The following CD22 variants were observed in gnomAD, a reference collection of about 807,000 sequenced individuals.
CD22 encodes B-cell receptor CD22.
A neutral mutation model predicts 94.7 loss-of-function variants in CD22; 51 were observed. That is an observed-to-expected ratio of 0.54 (90% CI 0.43 to 0.68). The LOEUF is 0.68. Among genes scored for constraint, CD22 ranks in the 30% least tolerant of loss-of-function variants. The pLI, the probability that CD22 is intolerant of heterozygous loss-of-function variation, is 0.00. For missense variants in CD22, 931 were observed against 1,060.4 expected (o/e 0.88, Z 1.69); for synonymous variants, 424 against 422.5 (o/e 1.00, Z -0.04).
At chr19:35,331,927 G>A (rs957123521) in intron 1 of CD22, 92 bp from the exon 2 acceptor site, 6 of 1,599,978 alleles carry the variant, frequency 3.8e-6, no homozygotes, top group Non-Finnish European at 4.3e-6. Context: ...CCGGATCCAG[G>A]GGAAGGGTCG....
chr19:35,342,617 G>A (rs1035648944), intron 9 of CD22, among the ~76,000 whole-genome samples: 17 of 151,952 alleles, frequency 1.1e-4, no homozygotes, highest in African/African-American at 3.4e-4. Context: ...TGTGCTGGAG[G>A]AGTCGTCTTG....
chr19:35,330,699 A>T (rs1475646173), intron 1 of CD22: 1 of 152,178 alleles, frequency 6.6e-6, no homozygotes, highest in Non-Finnish European at 1.5e-5. Context: ...GAGACCGGAG[A>T]CACACTCTGC....
Position 35,338,171 on chromosome 19 carries a change from C to A in CD22, c.989C>A (p.Ala330Asp). Residue 330 changes from alanine (A) to aspartate (D), a missense_variant, in exon 6 of 14, where the codon GCC becomes GAC. Ala to Asp is a moderately radical substitution (Grantham distance 126, BLOSUM62 -2). Coordinates refer to ENST00000085219, the MANE Select transcript of CD22 (RefSeq NM_001771.4). ...SEEVFLQVQY[A>D]PEPSTVQILH... ...TCGCCTCTGCCCCCTCTTCCAGATG[C>A]CCCGGAACCTTCCACGGTTCAGATC... is the stretch of plus-strand genomic sequence containing the variant. 1.2e-6 allele frequency: 2 copies of A among 1,609,180 alleles called. No individual in the cohort carries two copies. Among genetic ancestry groups the A allele is most frequent in the Admixed American group, 1.7e-5 (1 of 59,854 alleles).
In CD22 at chr19:35,337,831, C is replaced by T. The variant is rs146504496; in HGVS notation, c.795C>T (p.Cys265=). Residue 265 remains cysteine, a synonymous_variant, in exon 5 of 14, where the codon TGC becomes TGT. Transcript: ENST00000085219. The surrounding 1 kb of genome is among the most constrained non-coding windows in gnomAD (Gnocchi z 4.4). ...AGGGGGACTCTGTGACCATGACCTGCGAGGTCAGCAGCAGCAACCCGGAGT... is the reference window on the plus strand; with the variant it reads ...AGGGGGACTCTGTGACCATGACCTGTGAGGTCAGCAGCAGCAACCCGGAGT... The part of the protein sequence containing the change: ...VREGDSVTMT[C]EVSSSNPEYT... 16,281 of 1,613,746 alleles carry T rather than the reference C, an allele frequency of 0.01. 100 individuals carry two copies. The highest frequency in any genetic ancestry group is 0.012 in the Non-Finnish European group (13,860 of 1,179,752).
In CD22 at chr19:35,338,500, G is replaced by T. The variant is rs1467497692; in HGVS notation, c.1249+69G>T. Reference sequence around the variant, plus strand: ...CACAGGGAACGGGGAAGGCAGATGGGGTGCAGGGCATTCCGGGGTCCTGGA... The same window carrying T: ...CACAGGGAACGGGGAAGGCAGATGGTGTGCAGGGCATTCCGGGGTCCTGGA... On this transcript the variant is annotated intron_variant, in intron 6 of 13. Coordinates refer to ENST00000085219, the MANE Select transcript of CD22 (RefSeq NM_001771.4). 8 of 1,510,260 alleles carry T rather than the reference G, an allele frequency of 5.3e-6. No homozygotes were observed. The East Asian group carries it at 6.8e-5, about 13-fold the overall frequency. The allele number at this position is 1,510,260 out of a possible 1,614,324, so 93.6% of individuals were successfully genotyped here. A position where few individuals can be genotyped will look rare whatever the true frequency, so the allele number is the denominator to read the frequency against.
Position 35,332,837 on chromosome 19 carries a change from G to A in CD22, c.325G>A (p.Val109Met). 1.2e-6 allele frequency: 2 copies of A among 1,614,192 alleles called. No individual in the cohort carries two copies. The highest frequency in any genetic ancestry group is 1.7e-6 in the Non-Finnish European group (2 of 1,180,018). ...GAACTGCACACTGAGTATCCACCCG[G>A]TGCACCTCAATGACAGTGGTCAGCT... is the stretch of plus-strand genomic sequence containing the variant. Reference protein sequence around the residue: ...NKNCTLSIHPVHLNDSGQLGL... With the variant: ...NKNCTLSIHPMHLNDSGQLGL... The change falls in exon 3 of 14, where the codon GTG becomes ATG. Residue 109 changes from valine to methionine, a missense_variant. Coordinates refer to ENST00000085219, the MANE Select transcript of CD22 (RefSeq NM_001771.4).
Position 35,332,802 on chromosome 19 carries a change from A to G in CD22, c.290A>G (p.Asp97Gly). The change falls in exon 3 of 14, where the codon GAC (aspartate) becomes GGC (glycine). Residue 97 changes from aspartate to glycine, a missense_variant. Transcript: ENST00000085219. ...SEQKRVQFLG[D>G]KNKNCTLSIH... Reference sequence around the variant, plus strand: ...CAGAAAAGGGTGCAATTCCTGGGAGACAAGAATAAGAACTGCACACTGAGT... The same window carrying G: ...CAGAAAAGGGTGCAATTCCTGGGAGGCAAGAATAAGAACTGCACACTGAGT... 6.2e-7 allele frequency: 1 copy of G among 1,614,196 alleles called. No individual in the cohort carries two copies. The highest frequency in any genetic ancestry group is 1.1e-5 in the South Asian group (1 of 91,086).
Position 35,332,737 on chromosome 19 carries a change from ACT to A in CD22, c.228_229del (p.Tyr77Ter). The A allele has an allele frequency of 6.2e-7, 1 of 1,614,154 alleles. No homozygotes were observed. Among genetic ancestry groups the A allele is most frequent in the Non-Finnish European group, 8.5e-7 (1 of 1,180,032 alleles). ...ACACCTCGAAGTTTGATGGGACAAG[ACT>A]CTATGAAAGCACAAAGGATGGGAAG... The part of the protein sequence containing the change: ...KNTSKFDGTR[L>X]YESTKDGKVP... On this transcript the variant is annotated frameshift_variant, in exon 3 of 14. Transcript: ENST00000085219. LOFTEE classifies it high-confidence loss of function.
At chr19:35,335,893 A>G in intron 3 of CD22, 143 bp from the exon 4 acceptor site, 2 of 691,354 alleles carry the variant, frequency 2.9e-6, no homozygotes, top group Admixed American at 5.4e-5. Flanking sequence ...AATAACAACA[A>G]AAAAACAAAG....
Position 35,346,126 on chromosome 19 carries a change from G to A in CD22, c.2328-25G>A, listed in dbSNP as rs752998439. On this transcript the variant is annotated intron_variant, in intron 12 of 13. Transcript: ENST00000085219. Reference sequence around the variant, plus strand: ...GTTCGTGGGAGATGCTTCATGCGTGGTCGTCTATCTGCCCTGTCTCTCAGA... The same window carrying A: ...GTTCGTGGGAGATGCTTCATGCGTGATCGTCTATCTGCCCTGTCTCTCAGA... 2.5e-6 allele frequency: 4 copies of A among 1,580,814 alleles called. No individual in the cohort carries two copies. In the South Asian group the frequency reaches 4.4e-5, roughly 17 times the overall value.
At chr19:35,332,997 G>A in intron 3 of CD22, 73 bp downstream of exon 3, 1 of 1,505,046 alleles carries the variant, frequency 6.6e-7, no homozygotes, top group Non-Finnish European at 9.0e-7. Context: ...CTGACTCCTG[G>A]CACAGAGCTC....
At position 35,331,682 on chromosome 19, in the gene CD22, C is replaced by T. The variant is rs370136187; in HGVS notation, c.-22-337C>T. 34 of 261,338 alleles carry T rather than the reference C, an allele frequency of 1.3e-4. No homozygotes were observed. In the East Asian group the frequency reaches 3.6e-3, roughly 28 times the overall value. The allele number at this position is 261,338 out of a possible 1,614,324, so 16.2% of individuals were successfully genotyped here. On this transcript the variant is annotated intron_variant, in intron 1 of 13. Coordinates refer to ENST00000085219, the MANE Select transcript of CD22 (RefSeq NM_001771.4). ...AGGCCAACATGGTGAAACCCCATCT[C>T]TACTGAAAATACAAAAATCAGCCAG... is the stretch of plus-strand genomic sequence containing the variant.
intron 3 of CD22, 88 bp from the exon 4 acceptor site, chr19:35,335,948 G>A (rs1286371466): frequency 1.9e-6 from 2 of 1,063,030 alleles, no homozygotes; most frequent in Admixed American, 2.1e-5. Context: ...GGTTCCTGAG[G>A]GGTGATTTGG....
At chr19:35,340,798 G>A in intron 6 of CD22, 83 bp from the exon 7 acceptor site, 2 of 1,499,552 alleles carry the variant, frequency 1.3e-6, no homozygotes, top group East Asian at 2.3e-5. Context: ...CCCGGGACAG[G>A]TAGCGGGAGA....
At chr19:35,343,804 A>G (rs1047776294) in intron 9 of CD22, among the ~76,000 whole-genome samples, 3 of 152,238 alleles carry the variant, frequency 2.0e-5, no homozygotes, top group African/African-American at 7.2e-5. Context: ...GTCTGAAAGC[A>G]TATGGAAGAT....
At chr19:35,334,274 T>C (rs998101348) in intron 3 of CD22, among the ~76,000 whole-genome samples, 1 of 152,206 alleles carries the variant, frequency 6.6e-6, no homozygotes, top group African/African-American at 2.4e-5. Context: ...AGTTCATTTA[T>C]CTTGCAGGCA....
rs552700291 is a variant in CD22 at position 35,332,662 on chromosome 19, T to G, written c.150T>G (p.Asp50Glu). 18 of 1,613,932 alleles carry G rather than the reference T, an allele frequency of 1.1e-5. No individual in the cohort carries two copies. Among genetic ancestry groups the G allele is most frequent in the Non-Finnish European group, 1.4e-5 (17 of 1,180,012 alleles). ...TCCCCTGCACCTACAGAGCCCTAGA[T>G]GGTGACCTGGAAAGCTTCATCCTGT... ...VWIPCTYRAL[D>E]GDLESFILFH... The change falls in exon 3 of 14, where the codon GAT (aspartate) becomes GAG (glutamate). Residue 50 changes from aspartate (D) to glutamate (E), a missense_variant. Asp to Glu is a conservative substitution (Grantham distance 45, BLOSUM62 2). Coordinates refer to ENST00000085219, the MANE Select transcript of CD22 (RefSeq NM_001771.4).
At chr19:35,333,187 C>G in intron 3 of CD22, 1 of 485,736 alleles carries the variant, frequency 2.1e-6, no homozygotes, top group Non-Finnish European at 3.7e-6. Context: ...TTCTTTCTCA[C>G]CATGTATTTT....
Position 35,346,547 on chromosome 19 carries a change from C to T in CD22, c.2413-19C>T. 2 of 1,590,776 alleles carry T rather than the reference C, an allele frequency of 1.3e-6. No homozygotes were observed. Among genetic ancestry groups the T allele is most frequent in the Non-Finnish European group, 1.7e-6 (2 of 1,166,884 alleles). ...CTGGCGACAGTGGGGCCAGGCTAAC[C>T]ACCATGCGGTTTTCTCAGGGCGACT... On this transcript the variant is annotated intron_variant, in intron 13 of 13. Transcript: ENST00000085219.
Sources: gnomAD v4.1 joint callset for allele counts (sites outside exome capture counted in the v4.1 genomes callset) on GRCh38, gnomAD v4.1.1 for gene constraint, Gnocchi (gnomAD v3.1) non-coding constraint, MANE v1.5 for transcripts, NCBI Gene and HGNC (gene_info 2026-07-23, HGNC 2026-07-21) for gene names.